TTLL10: variants seen among roughly 807,000 people sequenced by gnomAD.
The protein encoded by TTLL10 is tubulin tyrosine ligase like 10.
Under a neutral mutation model 69.0 loss-of-function variants are expected in TTLL10, and 61 were observed. The observed-to-expected ratio is 0.88, with a 90% confidence interval of 0.72 to 1.09. The LOEUF is 1.09. Ranked by LOEUF, TTLL10 falls within the 50% of genes least tolerant of loss-of-function variation. The pLI, the probability that TTLL10 is intolerant of heterozygous loss-of-function variation, is 0.00. For missense variants in TTLL10, 962 were observed against 945.9 expected (o/e 1.02, Z -0.22); for synonymous variants, 408 against 393.3 (o/e 1.04, Z -0.44).
intron 13 of TTLL10, among the ~76,000 whole-genome samples, chr1:1,188,098 A>C (rs879706562): frequency 6.6e-6 from 1 of 150,730 alleles, no homozygotes; most frequent in African/African-American, 2.5e-5. Flanking sequence ...CCATTTGTTG[A>C]AGAGACTATT....
chr1:1,196,651 C>T lies in TTLL10; in HGVS notation c.1453C>T (p.Leu485=). The T allele has an allele frequency of 6.4e-7, 1 of 1,551,996 alleles. No individual in the cohort carries two copies. The highest frequency in any genetic ancestry group is 2.4e-5 in the East Asian group (1 of 40,934). The change falls in exon 14 of 16, where the codon CTG becomes TTG. Residue 485 remains leucine (L), a synonymous_variant. Transcript: ENST00000379289. ...CTGCTTTCTGGCCGCCAAGCCCAAG[C>T]TGGACTGCAAGCTGGGTTACTTTGA... ...AHCFLAAKPK[L]DCKLGYFDLI...
Position 1,185,913 on chromosome 1 carries a change from C to A in TTLL10, c.1401+804C>A. ...TATTTCAAAAGTTGTGCAATTATCACCACCAATTCCAGAACATTTCATCAC... is the reference window on the plus strand; with the variant it reads ...TATTTCAAAAGTTGTGCAATTATCAACACCAATTCCAGAACATTTCATCAC... On this transcript the variant is annotated intron_variant, in intron 13 of 15. Coordinates refer to ENST00000379289, the MANE Select transcript of TTLL10 (RefSeq NM_001130045.2). This position sits in a 1 kb window ranked among gnomAD's most constrained non-coding sequence, Gnocchi z 6.1. The A allele has an allele frequency of 1.2e-6, 1 of 813,852 alleles. No homozygotes were observed. The highest frequency in any genetic ancestry group is 1.9e-5 in the African/African-American group (1 of 53,828). The allele number at this position is 813,852 out of a possible 1,614,324, so 50.4% of individuals were successfully genotyped here. A position where few individuals can be genotyped will look rare whatever the true frequency, so the allele number is the denominator to read the frequency against.
At chr1:1,186,450 G>A (rs1647330748) in intron 13 of TTLL10, among the ~76,000 whole-genome samples, 1 of 137,420 alleles carries the variant, frequency 7.3e-6, no homozygotes, top group Admixed American at 8.0e-5. Flanking sequence ...ATCAGCTGGT[G>A]GACACAGTTT....
chr1:1,179,833 G>C (rs11260547), intron 5 of TTLL10, 96 bp downstream of exon 5: 1 of 1,457,918 alleles, frequency 6.9e-7, no homozygotes, highest in African/African-American at 1.4e-5. Flanking sequence ...CCTGGAGGGT[G>C]GTCACGGCCC....
chr1:1,179,813 G>A (rs1265198160), intron 5 of TTLL10, 76 bp downstream of exon 5: 1 of 1,476,812 alleles, frequency 6.8e-7, no homozygotes, highest in Non-Finnish European at 9.0e-7. Flanking sequence ...CTGCCGGCAG[G>A]AAGCCTGGCC....
Position 1,197,499 on chromosome 1 carries a change from C to T in TTLL10, c.1674C>T (p.Ser558=). 2 of 1,544,392 alleles carry T rather than the reference C, an allele frequency of 1.3e-6. No homozygotes were observed. The highest frequency in any genetic ancestry group is 8.7e-7 in the Non-Finnish European group (1 of 1,145,718). The part of the protein sequence containing the change: ...LRGQKMLPLL[S]QRRFVLLHNG... ...GCCAGAAGATGTTGCCTCTGCTGTC[C>T]CAGCGCCGCTTCGTGCTCCTGCACA... The change falls in exon 16 of 16, where the codon TCC becomes TCT. Residue 558 remains serine, a synonymous_variant. Transcript: ENST00000379289.
At chr1:1,193,482 A>T (rs1356654649) in intron 13 of TTLL10, among the ~76,000 whole-genome samples, 4 of 149,670 alleles carry the variant, frequency 2.7e-5, no homozygotes, top group Non-Finnish European at 5.9e-5. Flanking sequence ...TTTTTTTTTG[A>T]AACGGAGTTT....
chr1:1,184,947 T>C, intron 12 of TTLL10, 22 bp from the exon 13 acceptor site: 1 of 1,588,748 alleles, frequency 6.3e-7, no homozygotes, highest in Non-Finnish European at 8.5e-7. Context: ...GGAGCCAGTC[T>C]CCAGGCACCG....
intron 6 of TTLL10, 40 bp from the exon 7 acceptor site, chr1:1,180,443 G>A: frequency 1.4e-6 from 2 of 1,385,192 alleles, no homozygotes; most frequent in South Asian, 1.2e-5. Flanking sequence ...CCAACCCCTT[G>A]CCTCGGCCCC....
intron 14 of TTLL10, 59 bp from the exon 15 acceptor site, chr1:1,197,034 T>C: frequency 6.7e-7 from 1 of 1,483,160 alleles, no homozygotes; most frequent in Non-Finnish European, 9.2e-7. Context: ...CCAGGGCCTC[T>C]GCCTCCTGCT....
chr1:1,194,348 T>A (rs564370662), intron 13 of TTLL10, among the ~76,000 whole-genome samples: 2 of 152,198 alleles, frequency 1.3e-5, no homozygotes, highest in Non-Finnish European at 2.9e-5. Context: ...TTCATAATTA[T>A]TGTTGTATAC....
chr1:1,180,167 C>A lies in TTLL10; in HGVS notation c.333C>A (p.Pro111=). 1 of 1,611,224 alleles carries A rather than the reference C, an allele frequency of 6.2e-7. No homozygotes were observed. The highest frequency in any genetic ancestry group is 1.3e-5 in the African/African-American group (1 of 75,016). Reference sequence around the variant, plus strand: ...GGGCAGAAAGAGCCTCTGCCACACCCGGACCCCCTGGGCTCCTGAACAGCC... The same window carrying A: ...GGGCAGAAAGAGCCTCTGCCACACCAGGACCCCCTGGGCTCCTGAACAGCC... The part of the protein sequence containing the change: ...LEGAERASAT[P]GPPGLLNSHR... The change falls in exon 6 of 16, where the codon CCC becomes CCA. Residue 111 remains proline (P), a synonymous_variant. Coordinates refer to ENST00000379289, the MANE Select transcript of TTLL10 (RefSeq NM_001130045.2).
At chr1:1,189,751 C>T (rs1647603664) in intron 13 of TTLL10, among the ~76,000 whole-genome samples, 1 of 152,118 alleles carries the variant, frequency 6.6e-6, no homozygotes, top group Admixed American at 6.6e-5. Flanking sequence ...ACTAATACTG[C>T]TGCAATCTTT....
chr1:1,179,561 C>T (rs936499613), intron 4 of TTLL10, 96 bp from the exon 5 acceptor site: 1 of 1,521,354 alleles, frequency 6.6e-7, no homozygotes, highest in Non-Finnish European at 8.9e-7. Flanking sequence ...TGGCTGGCAC[C>T]ACCCCTGGAA....
chr1:1,190,429 T>C (rs1647682544), intron 13 of TTLL10, among the ~76,000 whole-genome samples: 1 of 146,972 alleles, frequency 6.8e-6, no homozygotes. Context: ...CTTCTTTTAC[T>C]AATTTTTTTT....
At chr1:1,188,621 T>C (rs1283554518) in intron 13 of TTLL10, among the ~76,000 whole-genome samples, 2 of 152,190 alleles carry the variant, frequency 1.3e-5, no homozygotes. Context: ...GCCAGGCTGA[T>C]CTCGAACTCC....
At chr1:1,190,973 C>A (rs996651297) in intron 13 of TTLL10, among the ~76,000 whole-genome samples, 1 of 152,014 alleles carries the variant, frequency 6.6e-6, no homozygotes, top group Non-Finnish European at 1.5e-5. Context: ...TTACAGGCAC[C>A]TGCCACCACG....
intron 10 of TTLL10, 152 bp downstream of exon 10, chr1:1,182,598 C>T: frequency 1.1e-6 from 1 of 926,478 alleles, no homozygotes; most frequent in Non-Finnish European, 1.7e-6. Flanking sequence ...CAGGGCTGGG[C>T]CTGGTCTGGG....
chr1:1,179,610 G>C (rs1178790457), intron 4 of TTLL10, 47 bp from the exon 5 acceptor site: 75 of 1,549,964 alleles, frequency 4.8e-5, no homozygotes, highest in Non-Finnish European at 6.0e-5. Flanking sequence ...ATGGCCCCTT[G>C]GGTCACCCAT....
Sources: allele counts gnomAD v4.1 joint callset (sites outside exome capture counted in the v4.1 genomes callset), GRCh38; gene constraint gnomAD v4.1.1; non-coding constraint Gnocchi (gnomAD v3.1); transcripts MANE v1.5; gene names NCBI Gene and HGNC (gene_info 2026-07-23, HGNC 2026-07-21).